Variants in SYNPO observed in about 807,000 individuals in gnomAD.
SYNPO encodes synaptopodin.
A neutral mutation model predicts 49.5 loss-of-function variants in SYNPO; 19 were observed. The observed-to-expected ratio is 0.38, with a 90% CI of 0.27 to 0.56. SYNPO has a LOEUF of 0.56. Ranked by LOEUF, SYNPO falls within the 20% of genes least tolerant of loss-of-function variation. The pLI, the probability that SYNPO is intolerant of heterozygous loss-of-function variation, is 0.68. For missense variants in SYNPO, 1,131 were observed against 1,248.3 expected (o/e 0.91, Z 1.42); for synonymous variants, 536 against 548.0 (o/e 0.98, Z 0.31).
chr5:150,656,865 C>T lies in SYNPO; in HGVS notation c.2490C>T (p.Ala830=), dbSNP rs1304057223. ...FAPIPRSPLP[A]GPSSCTSPRS... is the part of the protein sequence containing the mutation. ...CCATCCCGCGGAGCCCGTTGCCCGC[C>T]GGTCCTTCGTCCTGCACCAGTCCCC... Residue 830 remains alanine (A), a synonymous_variant, in exon 3 of 3, where the codon GCC becomes GCT. Transcript: ENST00000307662. 2 of 1,570,346 alleles carry T rather than the reference C, an allele frequency of 1.3e-6. No individual in the cohort carries two copies. Among genetic ancestry groups the T allele is most frequent in the South Asian group, 1.2e-5 (1 of 85,736 alleles).
At chr5:150,586,759 G>C in the SYNPO span, among the ~76,000 whole-genome samples, 3 of 152,240 alleles carry the variant, frequency 2.0e-5, no homozygotes, top group Non-Finnish European at 4.4e-5. Flanking sequence ...CTGGAATATA[G>C]TAAAAACCTG....
chr5:150,630,306 G>A (rs1342520710), intron 2 of SYNPO, among the ~76,000 whole-genome samples: 1 of 152,180 alleles, frequency 6.6e-6, no homozygotes, highest in African/African-American at 2.4e-5. Context: ...GGGAAACTGA[G>A]GTCAGAGTGT....
At position 150,656,530 on chromosome 5, in the gene SYNPO, C is replaced by A. The variant is rs1289347883; in HGVS notation, c.2155C>A (p.Pro719Thr). 1 of 1,528,836 alleles carries A rather than the reference C, an allele frequency of 6.5e-7. No homozygotes were observed. The highest frequency in any genetic ancestry group is 1.2e-5 in the South Asian group (1 of 83,514). 94.7% of individuals were successfully genotyped at this position (1,528,836 alleles called of 1,614,324 possible). The change falls in exon 3 of 3, where the codon CCC (proline) becomes ACC (threonine). Residue 719 changes from proline to threonine, a missense_variant. Transcript: ENST00000307662. ...EPGRGSSMSS[P>T]PPLPPPPPMS... The stretch of plus-strand genomic sequence containing the variant: ...AGGTCGCGGGAGCAGCATGAGCAGC[C>A]CCCCGCCGCTGCCGCCGCCACCGCC...
rs556541438 is a variant in SYNPO at position 150,609,786 on chromosome 5, C to CGGCGG, written c.-265-8315_-265-8314insCGGGG. ...GGGTGAGGGGGCACTGTGAATGTGG[C>CGGCGG]GGGGGGGGGCAGTGTGGAGCAGTCT... is the stretch of plus-strand genomic sequence containing the variant. On this transcript the variant is annotated intron_variant, in intron 1 of 2. Coordinates refer to the SYNPO transcript ENST00000394243. Among the ~76,000 whole-genome samples, 149 of 105,416 alleles carry CGGCGG rather than the reference C, an allele frequency of 1.4e-3. 3 individuals are homozygous for CGGCGG. The highest frequency in any genetic ancestry group is 5.4e-3 in the African/African-American group (145 of 26,904). The allele number at this position is 105,416 out of a possible 152,430, so 69.2% of individuals were successfully genotyped here. A position where few individuals can be genotyped will look rare whatever the true frequency, so the allele number is the denominator to read the frequency against.
exon 2 of SYNPO, chr5:150,618,380 C>T (rs1423431311): frequency 1.9e-6 from 3 of 1,550,064 alleles, no homozygotes; most frequent in South Asian, 2.4e-5. Flanking sequence ...GCTGGGTCCT[C>T]ACCTCCCACC....
exon 2 of SYNPO, chr5:150,618,707 G>C (rs558809889): frequency 1.5e-4 from 239 of 1,550,592 alleles, no homozygotes; most frequent in Non-Finnish European, 1.5e-4. Context: ...AGTGAAGGCC[G>C]GGCAGATGAT....
At chr5:150,600,723 G>A (rs1289312961), upstream of SYNPO, among the ~76,000 whole-genome samples, 3 of 152,110 alleles carry the variant, frequency 2.0e-5, no homozygotes, top group Non-Finnish European at 4.4e-5. Context: ...GGAGCCCCGA[G>A]TCCTCCAAGT....
At position 150,603,940 on chromosome 5, in the gene SYNPO, G is replaced by A. The variant is rs79975628; in HGVS notation, c.-266+2752G>A. Among the ~76,000 whole-genome samples the A allele has an allele frequency of 6.3e-3, 960 of 152,326 alleles. 54 individuals carry two copies. In the East Asian group the frequency reaches 0.12, roughly 20 times the overall value. On this transcript the variant is annotated intron_variant, in intron 1 of 2. Coordinates refer to the SYNPO transcript ENST00000394243. ...TTCTTATGGAAGGGTGCCTTTCCTA[G>A]GGGGAAGAACCTTGTGAGTTTTGGA... is the stretch of plus-strand genomic sequence containing the variant.
upstream of SYNPO, among the ~76,000 whole-genome samples, chr5:150,598,533 G>A (rs1012136108): frequency 3.9e-5 from 6 of 152,190 alleles, no homozygotes; most frequent in African/African-American, 7.2e-5. Context: ...GAAACGCTTA[G>A]TACAGTGCCC....
intron 2 of SYNPO, among the ~76,000 whole-genome samples, chr5:150,624,056 G>A (rs564833749): frequency 4.6e-5 from 7 of 152,230 alleles, no homozygotes; most frequent in Admixed American, 3.3e-4. Context: ...ATGGGGCTTC[G>A]CACGCTCAAT....
At chr5:150,638,941 A>C (rs1298330151), upstream of SYNPO, among the ~76,000 whole-genome samples, 1 of 152,154 alleles carries the variant, frequency 6.6e-6, no homozygotes. Flanking sequence ...CCAGGGTTGG[A>C]CTGGAGAGGT....
rs765039397 is a variant in SYNPO at position 150,628,569 on chromosome 5, T to TA, written c.400+9811dup. On this transcript the variant is annotated intron_variant, in intron 2 of 2. Coordinates refer to the SYNPO transcript ENST00000394243. ...AATTAAATGAGATGATGATAAATGC[T>TA]AAAAAAAAATGAGCTACCATTTAGG... Among the ~76,000 whole-genome samples the TA allele has an allele frequency of 4.2e-3, 641 of 151,464 alleles. 4 individuals carry two copies. The highest frequency in any genetic ancestry group is 0.014 in the African/African-American group (581 of 41,326).
intron 1 of SYNPO, among the ~76,000 whole-genome samples, chr5:150,616,251 G>A (rs916677337): frequency 2.0e-5 from 3 of 152,290 alleles, no homozygotes; most frequent in South Asian, 2.1e-4. Context: ...GCTTGGGGGC[G>A]GAGGCGTGAC....
At chr5:150,621,432 C>A (rs1280061491) in intron 2 of SYNPO, among the ~76,000 whole-genome samples, 1 of 152,106 alleles carries the variant, frequency 6.6e-6, no homozygotes, top group Non-Finnish European at 1.5e-5. Context: ...GGTCTTGGGT[C>A]AGAGCCCACA....
At chr5:150,647,348 G>A (rs1758140991) in intron 1 of SYNPO, among the ~76,000 whole-genome samples, 1 of 152,148 alleles carries the variant, frequency 6.6e-6, no homozygotes, top group Non-Finnish European at 1.5e-5. Context: ...ATTTCAACTT[G>A]GTGAATGCTA....
At chr5:150,652,086 G>C in intron 2 of SYNPO, 2 of 1,000,070 alleles carry the variant, frequency 2.0e-6, no homozygotes, top group Non-Finnish European at 2.4e-6. Flanking sequence ...TGGGAACAGG[G>C]GTGCCTTCTT....
At chr5:150,587,828 C>A in the SYNPO span, among the ~76,000 whole-genome samples, 1 of 152,152 alleles carries the variant, frequency 6.6e-6, no homozygotes, top group African/African-American at 2.4e-5. Flanking sequence ...TTGTTCCAGT[C>A]CTGTCTCTTC....
At chr5:150,629,787 ACT>A (rs1757479113) in intron 2 of SYNPO, among the ~76,000 whole-genome samples, 1 of 152,182 alleles carries the variant, frequency 6.6e-6, no homozygotes, top group South Asian at 2.1e-4. Flanking sequence ...TGAGGTGAGT[ACT>A]GTTATTAGCA....
chr5:150,599,998 G>C (rs571060322), upstream of SYNPO, among the ~76,000 whole-genome samples: 1 of 152,188 alleles, frequency 6.6e-6, no homozygotes. Flanking sequence ...GAGGGAGCTG[G>C]GAACAGCTTG....
Sources: gnomAD v4.1 joint callset for allele counts (sites outside exome capture counted in the v4.1 genomes callset) on GRCh38, gnomAD v4.1.1 for gene constraint, MANE v1.5 for transcripts, NCBI Gene and HGNC (gene_info 2026-07-23, HGNC 2026-07-21) for gene names.